Variants in FGF14 observed in about 807,000 individuals in gnomAD.
FGF14 encodes fibroblast growth factor 14.
FGF14 carries 5 observed loss-of-function variants against 25.5 expected under a neutral mutation model. The ratio of observed to expected loss-of-function variants is 0.20; its 90% CI spans 0.10 to 0.41. The LOEUF (loss-of-function observed/expected upper bound fraction) is 0.41, where lower values mean the gene tolerates loss of function less well. FGF14 is among the 10% of genes least tolerant of loss of function. FGF14 has a pLI of 1.00. For missense variants in FGF14, 222 were observed against 320.1 expected (o/e 0.69, Z 2.34); for synonymous variants, 138 against 118.3 (o/e 1.17, Z -1.08).
rs1361652904 is a variant in FGF14, at chr13:102,072,331, TA to T, written c.209-197036del. On this transcript the variant is annotated intron_variant, in intron 1 of 4. Coordinates refer to the FGF14 transcript ENST00000376131. ...TTTCCCAGAAGTTATTTAAAATCAA[TA>T]AAAATTGATTCGTAAACAATAAAGC... Among the ~76,000 whole-genome samples the T allele has an allele frequency of 2.6e-5, 4 of 151,970 alleles. No individual in the cohort carries two copies. In the East Asian group the frequency reaches 7.7e-4, roughly 29 times the overall value.
chr13:101,768,483 C>G (rs1347965977), intron 3 of FGF14, among the ~76,000 whole-genome samples: 1 of 151,986 alleles, frequency 6.6e-6, no homozygotes, highest in Non-Finnish European at 1.5e-5. Context: ...AAAGTTTACA[C>G]GGAGAGGCAA....
intron 3 of FGF14, among the ~76,000 whole-genome samples, chr13:101,822,618 A>G (rs2042212254): frequency 6.6e-6 from 1 of 152,122 alleles, no homozygotes; most frequent in African/African-American, 2.4e-5. Flanking sequence ...ATGTTTGTAC[A>G]TATTTATGGA....
chr13:101,951,820 A>C (rs975265439), intron 1 of FGF14, among the ~76,000 whole-genome samples: 1 of 152,220 alleles, frequency 6.6e-6, no homozygotes, highest in African/African-American at 2.4e-5. Context: ...ATGGTTAATA[A>C]TAACATTAAT....
intron 1 of FGF14, among the ~76,000 whole-genome samples, chr13:101,883,728 G>A (rs1017806290): frequency 1.3e-5 from 2 of 151,946 alleles, no homozygotes; most frequent in African/African-American, 2.4e-5. Flanking sequence ...TATGCATAGC[G>A]ACTTTTTGAG....
At chr13:102,123,426 T>C (rs1009918535) in intron 1 of FGF14, among the ~76,000 whole-genome samples, 4 of 152,204 alleles carry the variant, frequency 2.6e-5, no homozygotes, top group African/African-American at 9.6e-5. Flanking sequence ...ATGCATATAA[T>C]GCTGCTGCTA....
chr13:101,733,603 A>G lies in FGF14; in HGVS notation c.409-6793T>C, dbSNP rs994817621. 5.4e-4 allele frequency among the ~76,000 whole-genome samples: 71 copies of G among 131,706 alleles called. 1 individual carries two copies. The South Asian group carries it at 0.016, about 29-fold the overall frequency. 86.4% of individuals were successfully genotyped at this position (131,706 alleles called of 152,430 possible). A position where few individuals can be genotyped will look rare whatever the true frequency, so the allele number is the denominator to read the frequency against. ...AACAAGACTCCATCAAAAAAAAAAA[A>G]AAAAAAAAAGAGAGAGAGGAGAGAG... On this transcript the variant is annotated intron_variant, in intron 3 of 4. Coordinates refer to ENST00000376143, the MANE Select transcript of FGF14 (RefSeq NM_004115.4).
chr13:102,171,983 T>TTTAG (rs2048268299), intron 1 of FGF14, among the ~76,000 whole-genome samples: 1 of 150,426 alleles, frequency 6.6e-6, no homozygotes, highest in African/African-American at 2.4e-5. Flanking sequence ...TATTTATTTA[T>TTTAG]TTATTTATTT....
At chr13:102,163,856 G>A (rs927725780) in intron 1 of FGF14, among the ~76,000 whole-genome samples, 9 of 152,086 alleles carry the variant, frequency 5.9e-5, no homozygotes, top group African/African-American at 2.2e-4. Flanking sequence ...ACATTCTGGA[G>A]GCCACTTAAA....
intron 1 of FGF14, among the ~76,000 whole-genome samples, chr13:102,359,754 C>T (rs565157610): frequency 1.3e-5 from 2 of 151,958 alleles, no homozygotes; most frequent in Non-Finnish European, 1.5e-5. Flanking sequence ...AGAGAATTCA[C>T]TTCCTTTATA....
At chr13:101,926,987 T>A (rs1259714117) in intron 1 of FGF14, among the ~76,000 whole-genome samples, 2 of 152,194 alleles carry the variant, frequency 1.3e-5, no homozygotes, top group Non-Finnish European at 2.9e-5. Flanking sequence ...GGAAAAAGAA[T>A]TATTTCAGAG....
rs533381777 is a variant in FGF14, at chr13:102,154,663, A to G, written c.208+246808T>C. 6.6e-5 allele frequency among the ~76,000 whole-genome samples: 10 copies of G among 152,276 alleles called. No individual in the cohort carries two copies. The East Asian group carries it at 1.9e-3, about 29-fold the overall frequency. On this transcript the variant is annotated intron_variant, in intron 1 of 4. Transcript: ENST00000376131. ...AATGACAGGATCAAATTCACACATA[A>G]CAATATTAACCTTAAACGTAAATGG...
intron 1 of FGF14, among the ~76,000 whole-genome samples, chr13:102,294,901 C>G (rs993362331): frequency 6.6e-6 from 1 of 152,154 alleles, no homozygotes; most frequent in Non-Finnish European, 1.5e-5. Context: ...TACAATAGCA[C>G]TTAGAACAAT....
chr13:101,968,588 G>A (rs1444081910), intron 1 of FGF14, among the ~76,000 whole-genome samples: 1 of 148,796 alleles, frequency 6.7e-6, no homozygotes, highest in Non-Finnish European at 1.5e-5. Context: ...CAGGAGAATG[G>A]CGTGAACCTG....
chr13:102,395,672 T>G (rs1426123957), intron 1 of FGF14: 3 of 152,224 alleles, frequency 2.0e-5, no homozygotes, highest in African/African-American at 7.2e-5. Flanking sequence ...ATACCTATTT[T>G]TCACTATTTT....
chr13:101,804,376 A>C lies in FGF14; in HGVS notation c.408+64349T>G, dbSNP rs17586591. ...CAATGCATCCCAAAGGAATTCTGGA[A>C]ATTTGTTGGTGTGTAAAGGTAAGTA... On this transcript the variant is annotated intron_variant, in intron 3 of 4. Transcript: ENST00000376143. 5.7e-3 allele frequency among the ~76,000 whole-genome samples: 856 copies of C among 150,626 alleles called. 5 individuals are homozygous for C. Among genetic ancestry groups the C allele is most frequent in the Non-Finnish European group, 0.01 (675 of 67,056 alleles).
chr13:102,046,804 C>T (rs1245990902), intron 1 of FGF14, among the ~76,000 whole-genome samples: 1 of 152,074 alleles, frequency 6.6e-6, no homozygotes, highest in African/African-American at 2.4e-5. Context: ...TAAATAAATG[C>T]ATTTGCTATA....
At chr13:101,928,926 A>G (rs964600765) in intron 1 of FGF14, among the ~76,000 whole-genome samples, 3 of 152,092 alleles carry the variant, frequency 2.0e-5, no homozygotes, top group Admixed American at 2.0e-4. Flanking sequence ...TCTGAGTTGG[A>G]TATGAATTAC....
At chr13:102,037,217 TC>T (rs2041519356) in intron 1 of FGF14, among the ~76,000 whole-genome samples, 1 of 152,150 alleles carries the variant, frequency 6.6e-6, no homozygotes, top group South Asian at 2.1e-4. Context: ...TATCAAATTA[TC>T]ATAAACTTAG....
chr13:101,919,458 A>G (rs1594730120), upstream of FGF14, among the ~76,000 whole-genome samples: 1 of 152,058 alleles, frequency 6.6e-6, no homozygotes, highest in South Asian at 2.1e-4. Flanking sequence ...AAAGAGTGAC[A>G]TTAAGCTTCT....
Sources: allele counts gnomAD v4.1 joint callset (sites outside exome capture counted in the v4.1 genomes callset), GRCh38; gene constraint gnomAD v4.1.1; transcripts MANE v1.5; gene names NCBI Gene and HGNC (gene_info 2026-07-23, HGNC 2026-07-21).